PIK3CB: variants seen among roughly 807,000 people sequenced by gnomAD.
PIK3CB encodes phosphatidylinositol 4,5-bisphosphate 3-kinase catalytic subunit beta isoform.
PIK3CB carries 39 observed loss-of-function variants against 136.8 expected under a neutral mutation model. That is an observed-to-expected ratio of 0.29 (90% CI 0.22 to 0.37). PIK3CB has a LOEUF of 0.37. Among genes scored for constraint, PIK3CB ranks in the 10% least tolerant of loss-of-function variants. PIK3CB has a pLI of 1.00. For missense variants in PIK3CB, 868 were observed against 1,275.4 expected (o/e 0.68, Z 4.87); for synonymous variants, 428 against 436.6 (o/e 0.98, Z 0.25).
intron 3 of PIK3CB, among the ~76,000 whole-genome samples, 199 bp from the exon 4 acceptor site, chr3:138,756,178 G>T (rs1576393032): frequency 1.3e-5 from 2 of 151,808 alleles, no homozygotes; most frequent in African/African-American, 4.8e-5. Flanking sequence ...CAGAAAAATA[G>T]AAAAAAATAT....
chr3:138,825,578 T>C, intron 1 of PIK3CB: 1 of 637,796 alleles, frequency 1.6e-6, no homozygotes, highest in East Asian at 2.6e-5. Flanking sequence ...CCTTGGTTCA[T>C]GGGATAGAAA....
chr3:138,792,573 T>A (rs1386189407), intron 2 of PIK3CB, among the ~76,000 whole-genome samples: 1 of 152,122 alleles, frequency 6.6e-6, no homozygotes. Flanking sequence ...TCAGCTTGCA[T>A]ACAGTTTAAA....
chr3:138,755,694 A>G (rs542332806), intron 4 of PIK3CB, 60 bp downstream of exon 4: 19 of 755,998 alleles, frequency 2.5e-5, no homozygotes, highest in Non-Finnish European at 3.7e-5. Flanking sequence ...TATACTTACT[A>G]TATGTTTATA....
At chr3:138,780,789 C>T (rs1313241753) in intron 2 of PIK3CB, among the ~76,000 whole-genome samples, 1 of 152,228 alleles carries the variant, frequency 6.6e-6, no homozygotes, top group African/African-American at 2.4e-5. Flanking sequence ...CTGTCTCAGC[C>T]TCCTAAGTAG....
intron 13 of PIK3CB, among the ~76,000 whole-genome samples, chr3:138,697,448 T>G (rs564592263): frequency 7.9e-5 from 12 of 152,088 alleles, no homozygotes; most frequent in Admixed American, 2.0e-4. Flanking sequence ...ATTTATTTAT[T>G]TATTTGAGAC....
intron 2 of PIK3CB, among the ~76,000 whole-genome samples, chr3:138,788,978 A>C (rs1384062629): frequency 6.6e-5 from 10 of 150,676 alleles, no homozygotes; most frequent in Admixed American, 3.3e-4. Context: ...AAAAAAAAAA[A>C]AAAAAAAAAA....
At chr3:138,744,771 T>G (rs1341526555) in intron 4 of PIK3CB, among the ~76,000 whole-genome samples, 2 of 152,202 alleles carry the variant, frequency 1.3e-5, no homozygotes, top group Non-Finnish European at 2.9e-5. Flanking sequence ...GACTGTTGCA[T>G]GTGAATTTGT....
chr3:138,744,615 T>C (rs2108678571), intron 4 of PIK3CB, among the ~76,000 whole-genome samples: 1 of 152,180 alleles, frequency 6.6e-6, no homozygotes, highest in Admixed American at 6.5e-5. Context: ...TTCTGACTTC[T>C]TTGCTTTTTC....
chr3:138,653,689 T>C lies in PIK3CB; in HGVS notation c.*1700A>G. The C allele has an allele frequency of 5.4e-6, 1 of 183,988 alleles. No homozygotes were observed. The highest frequency in any genetic ancestry group is 1.2e-5 in the Non-Finnish European group (1 of 86,606). The allele number at this position is 183,988 out of a possible 1,614,324, so 11.4% of individuals were successfully genotyped here. A position where few individuals can be genotyped will look rare whatever the true frequency, so the allele number is the denominator to read the frequency against. On this transcript the variant is annotated 3_prime_UTR_variant, in exon 24 of 24. Coordinates refer to ENST00000674063, the MANE Select transcript of PIK3CB (RefSeq NM_006219.3). ...CCAACTCCCATCCTCAGCTGAGTTA[T>C]TTCCAAGGAACTGGACTGCTCCAGC...
intron 2 of PIK3CB, among the ~76,000 whole-genome samples, chr3:138,771,112 C>T (rs2045793758): frequency 6.6e-6 from 1 of 152,108 alleles, no homozygotes; most frequent in African/African-American, 2.4e-5. Context: ...TGGTCCCTAC[C>T]CCCGACGTTG....
intron 21 of PIK3CB, among the ~76,000 whole-genome samples, chr3:138,661,584 T>C (rs1336794938): frequency 6.6e-6 from 1 of 152,268 alleles, no homozygotes. Flanking sequence ...GAGATAAATC[T>C]AAGTGTTTAA....
intron 8 of PIK3CB, among the ~76,000 whole-genome samples, chr3:138,718,307 G>A (rs1022656438): frequency 6.6e-6 from 1 of 152,116 alleles, no homozygotes; most frequent in Non-Finnish European, 1.5e-5. Context: ...GCATATGCTT[G>A]TTGGCCGCAT....
chr3:138,693,966 T>TATATATATATATATATATATATATTA (rs1457395869), intron 14 of PIK3CB, among the ~76,000 whole-genome samples: 2 of 42,406 alleles, frequency 4.7e-5, no homozygotes, highest in African/African-American at 2.7e-4. Context: ...TATATATATA[T>TATATATATATATATATATATATATTA]TATATATATA....
intron 8 of PIK3CB, among the ~76,000 whole-genome samples, chr3:138,732,498 G>C (rs2045004241): frequency 6.6e-6 from 1 of 151,864 alleles, no homozygotes; most frequent in African/African-American, 2.4e-5. Context: ...TCTCTTTCTT[G>C]GATCACAAAA....
At chr3:138,772,548 C>T (rs2045811935) in intron 2 of PIK3CB, among the ~76,000 whole-genome samples, 2 of 151,716 alleles carry the variant, frequency 1.3e-5, no homozygotes, top group African/African-American at 2.4e-5. Flanking sequence ...GCCTTGACCT[C>T]CCAGGCTCCA....
chr3:138,792,162 T>A (rs950023888), intron 2 of PIK3CB, among the ~76,000 whole-genome samples: 1 of 151,856 alleles, frequency 6.6e-6, no homozygotes, highest in Non-Finnish European at 1.5e-5. Context: ...GCCATTGCAC[T>A]CCAGCCTGGG....
intron 19 of PIK3CB, 110 bp downstream of exon 19, chr3:138,681,857 T>C: frequency 1.6e-6 from 1 of 638,588 alleles, no homozygotes; most frequent in South Asian, 2.1e-5. Context: ...AATATTATTA[T>C]GAACAACAAC....
chr3:138,804,806 C>CCT (rs1337566332), intron 1 of PIK3CB, among the ~76,000 whole-genome samples: 6 of 152,014 alleles, frequency 3.9e-5, no homozygotes, highest in Admixed American at 6.6e-5. Context: ...GGGCGGATCA[C>CCT]GAGGTCAGGA....
Position 138,762,536 on chromosome 3 carries a change from C to A in PIK3CB, c.-16-3177G>T, listed in dbSNP as rs149289404. ...CTACACATGTTATTAAGGCACTAGTCCTAAAATTAAGCAAATCACTTCAGA... is the reference window on the plus strand; with the variant it reads ...CTACACATGTTATTAAGGCACTAGTACTAAAATTAAGCAAATCACTTCAGA... On this transcript the variant is annotated intron_variant, in intron 2 of 23. Coordinates refer to ENST00000674063, the MANE Select transcript of PIK3CB (RefSeq NM_006219.3). 7.9e-5 allele frequency among the ~76,000 whole-genome samples: 12 copies of A among 152,292 alleles called. No individual in the cohort carries two copies. The East Asian group carries it at 2.3e-3, about 29-fold the overall frequency.
Sources: allele counts gnomAD v4.1 joint callset (sites outside exome capture counted in the v4.1 genomes callset), GRCh38; gene constraint gnomAD v4.1.1; transcripts MANE v1.5; gene names NCBI Gene and HGNC (gene_info 2026-07-23, HGNC 2026-07-21).